DPYD: variants seen among roughly 807,000 people sequenced by gnomAD.
The protein encoded by DPYD is dihydropyrimidine dehydrogenase.
A neutral mutation model predicts 116.2 loss-of-function variants in DPYD; 109 were observed. The observed-to-expected ratio is 0.94, with a 90% CI of 0.80 to 1.10. The LOEUF (loss-of-function observed/expected upper bound fraction) is 1.10. DPYD is among the 50% of genes least tolerant of loss of function. The pLI is 0.00. For synonymous variants in DPYD, 440 were observed against 432.0 expected (o/e 1.02, Z -0.23); for missense variants, 1,302 against 1,254.5 (o/e 1.04, Z -0.57).
At chr1:97,725,691 T>A (rs1346307682) in intron 4 of DPYD, among the ~76,000 whole-genome samples, 4 of 151,606 alleles carry the variant, frequency 2.6e-5, no homozygotes, top group Non-Finnish European at 5.9e-5. Flanking sequence ...GGCAATTCAA[T>A]TGGAAAGAAT....
At chr1:97,772,446 C>A (rs997790719) in intron 3 of DPYD, among the ~76,000 whole-genome samples, 4 of 152,280 alleles carry the variant, frequency 2.6e-5, no homozygotes, top group South Asian at 2.1e-4. Flanking sequence ...TGTAGAGAAG[C>A]CACTTGAATT....
intron 20 of DPYD, among the ~76,000 whole-genome samples, chr1:97,128,663 CT>C (rs1653038289): frequency 1.3e-5 from 2 of 152,092 alleles, no homozygotes; most frequent in South Asian, 4.1e-4. Flanking sequence ...TGCTGCCTGC[CT>C]GTGTAGCAGG....
At chr1:97,696,751 C>A (rs1661328799) in intron 6 of DPYD, among the ~76,000 whole-genome samples, 1 of 152,070 alleles carries the variant, frequency 6.6e-6, no homozygotes. Flanking sequence ...CTTTTTAAAG[C>A]ACAATTCTCA....
At chr1:97,249,915 A>G (rs1029461322) in intron 18 of DPYD, among the ~76,000 whole-genome samples, 8 of 152,156 alleles carry the variant, frequency 5.3e-5, no homozygotes, top group Admixed American at 3.3e-4. Context: ...GACTGATAAC[A>G]CCAAATGTTG....
chr1:97,216,259 G>A (rs1340229297), intron 19 of DPYD, among the ~76,000 whole-genome samples: 2 of 150,716 alleles, frequency 1.3e-5, no homozygotes, highest in Non-Finnish European at 2.9e-5. Flanking sequence ...ATGATGCACA[G>A]ATACATAGTT....
intron 5 of DPYD, among the ~76,000 whole-genome samples, chr1:97,714,012 T>C (rs1014932104): frequency 1.3e-5 from 2 of 152,136 alleles, no homozygotes; most frequent in African/African-American, 4.8e-5. Flanking sequence ...ATCATGATAA[T>C]TTATCTTAGT....
Position 97,082,345 on chromosome 1 carries a change from A to C in DPYD, c.2892T>G (p.Asn964Lys), listed in dbSNP as rs1432965653. 2 of 1,613,428 alleles carry C rather than the reference A, an allele frequency of 1.2e-6. No individual in the cohort carries two copies. Among genetic ancestry groups the C allele is most frequent in the Non-Finnish European group, 1.7e-6 (2 of 1,179,592 alleles). The change falls in exon 22 of 23, where the codon AAT becomes AAG. Residue 964 changes from asparagine (N) to lysine (K), a missense_variant. Asn to Lys is a moderately conservative substitution (Grantham distance 94). Coordinates refer to ENST00000370192, the MANE Select transcript of DPYD (RefSeq NM_000110.4). The part of the protein sequence containing the change: ...INCGKCYMTC[N>K]DSGYQAIQFD... ...GGATTCTTACCTGGTAGCCAGAATCATTACAGGTCATGTAGCATTTACCAC... is the reference window on the plus strand; with the variant it reads ...GGATTCTTACCTGGTAGCCAGAATCCTTACAGGTCATGTAGCATTTACCAC...
intron 2 of DPYD, among the ~76,000 whole-genome samples, chr1:97,870,114 T>C (rs1671583436): frequency 6.6e-6 from 1 of 151,882 alleles, no homozygotes; most frequent in South Asian, 2.1e-4. Context: ...AATTTGCAAA[T>C]GCTGAATAGA....
chr1:97,196,286 A>T (rs994300238), intron 19 of DPYD, among the ~76,000 whole-genome samples: 4 of 151,450 alleles, frequency 2.6e-5, no homozygotes, highest in Admixed American at 6.6e-5. Flanking sequence ...GTATTTATTT[A>T]TTTATTTTTT....
chr1:97,531,557 G>C (rs1396574283), intron 12 of DPYD, among the ~76,000 whole-genome samples: 2 of 152,050 alleles, frequency 1.3e-5, no homozygotes, highest in Non-Finnish European at 2.9e-5. Context: ...TTTGAAATCA[G>C]GAAGTATAAT....
intron 2 of DPYD, among the ~76,000 whole-genome samples, chr1:97,871,453 C>A (rs1359830830): frequency 6.6e-6 from 1 of 151,700 alleles, no homozygotes; most frequent in Admixed American, 6.6e-5. Context: ...CAGTTAGTAG[C>A]CCTGCAGGAG....
intron 2 of DPYD, among the ~76,000 whole-genome samples, chr1:97,866,082 G>C (rs1049541183): frequency 3.9e-5 from 6 of 152,030 alleles, no homozygotes; most frequent in Non-Finnish European, 7.4e-5. Context: ...GCAGTTACAT[G>C]GCCACAGACA....
At chr1:97,184,468 G>A (rs1438647862) in intron 20 of DPYD, among the ~76,000 whole-genome samples, 2 of 152,056 alleles carry the variant, frequency 1.3e-5, no homozygotes, top group Non-Finnish European at 2.9e-5. Flanking sequence ...TCTGATTGGT[G>A]AGAGATGGTA....
chr1:97,142,398 T>C (rs577212522), intron 20 of DPYD, among the ~76,000 whole-genome samples: 1 of 152,232 alleles, frequency 6.6e-6, no homozygotes, highest in East Asian at 1.9e-4. Flanking sequence ...CTTCATATGG[T>C]TCTACTACAC....
chr1:97,095,536 G>T (rs1650177662), intron 21 of DPYD, among the ~76,000 whole-genome samples: 1 of 151,810 alleles, frequency 6.6e-6, no homozygotes, highest in Admixed American at 6.6e-5. Flanking sequence ...TCTTATGGTA[G>T]AAAAGGTTAA....
At chr1:97,705,104 A>C (rs1221949402) in intron 5 of DPYD, among the ~76,000 whole-genome samples, 1 of 151,926 alleles carries the variant, frequency 6.6e-6, no homozygotes, top group Admixed American at 6.6e-5. Flanking sequence ...TTTTATCTTA[A>C]GGCTACTTGA....
chr1:97,148,351 T>A (rs1570551386), intron 20 of DPYD, among the ~76,000 whole-genome samples: 1 of 152,024 alleles, frequency 6.6e-6, no homozygotes, highest in African/African-American at 2.4e-5. Context: ...AGAGAAAACA[T>A]CCACATTTGC....
chr1:97,443,763 G>A (rs1225112912), intron 14 of DPYD, among the ~76,000 whole-genome samples: 1 of 152,156 alleles, frequency 6.6e-6, no homozygotes, highest in Non-Finnish European at 1.5e-5. Flanking sequence ...TTTTAAACGA[G>A]TTGTCTGAGT....
intron 12 of DPYD, chr1:97,546,744 G>C: frequency 6.2e-7 from 1 of 1,613,138 alleles, no homozygotes; most frequent in Admixed American, 1.7e-5. Flanking sequence ...CACCAGGCAA[G>C]CCTGGAAATT....
Sources: gnomAD v4.1 joint callset for allele counts (sites outside exome capture counted in the v4.1 genomes callset) on GRCh38, gnomAD v4.1.1 for gene constraint, MANE v1.5 for transcripts, NCBI Gene and HGNC (gene_info 2026-07-23, HGNC 2026-07-21) for gene names.